The following EPS15 variants were observed in gnomAD, a reference collection of about 807,000 sequenced individuals.
EPS15 encodes epidermal growth factor receptor pathway substrate 15.
Under a neutral mutation model 113.8 loss-of-function variants are expected in EPS15, and 72 were observed. The observed-to-expected ratio is 0.63, with a 90% CI of 0.52 to 0.77. EPS15 has a LOEUF of 0.77. EPS15 is among the 30% of genes least tolerant of loss of function. The probability of loss-of-function intolerance (pLI) is 0.00; values close to 1 mark genes in which losing one functional copy is unlikely to be tolerated. For missense variants in EPS15, 1,048 were observed against 1,045.8 expected, an observed-to-expected ratio of 1.00 and a Z score of -0.03; for synonymous variants, 344 against 363.4, an observed-to-expected ratio of 0.95 and a Z score of 0.61.
intron 21 of EPS15, among the ~76,000 whole-genome samples, chr1:51,371,138 C>T (rs974271697): frequency 5.9e-5 from 9 of 152,066 alleles, no homozygotes; most frequent in South Asian, 2.1e-4. Context: ...AGGCTGGTCT[C>T]GAACTCCCAA....
chr1:51,401,018 A>T, intron 18 of EPS15, 65 bp from the exon 19 acceptor site: 2 of 1,042,254 alleles, frequency 1.9e-6, no homozygotes, highest in Non-Finnish European at 2.8e-6. Flanking sequence ...CCACTACTTA[A>T]AGAGTAACTT....
rs776113125 is a variant in EPS15, at chr1:51,363,869, G to C, written c.2356C>G (p.Pro786Ala). 3.1e-6 allele frequency: 5 copies of C among 1,610,424 alleles called. No individual in the cohort carries two copies. Among genetic ancestry groups the C allele is most frequent in the Non-Finnish European group, 4.2e-6 (5 of 1,178,336 alleles). The change falls in exon 23 of 25, where the codon CCT becomes GCT. Residue 786 changes from proline to alanine, a missense_variant. Transcript: ENST00000371733. ...AGAAAAGTACCAACTCTCATACCAGGTGGTAGAGGGCAGGGTCTTGTTGGA... is the reference window on the plus strand; with the variant it reads ...AGAAAAGTACCAACTCTCATACCAGCTGGTAGAGGGCAGGGTCTTGTTGGA... ...GTPTRPCPLP[P>A]GKRSINKLDS...
At chr1:51,393,829 C>T (rs879837934) in intron 21 of EPS15, among the ~76,000 whole-genome samples, 3 of 152,094 alleles carry the variant, frequency 2.0e-5, no homozygotes, top group Admixed American at 6.6e-5. Context: ...TTAAACTGTA[C>T]GATCTTGATG....
At chr1:51,412,173 C>A (rs1463573179) in intron 13 of EPS15, among the ~76,000 whole-genome samples, 1 of 152,072 alleles carries the variant, frequency 6.6e-6, no homozygotes, top group Non-Finnish European at 1.5e-5. Context: ...CGCATGGACA[C>A]AAGGGAGGGG....
At chr1:51,373,340 T>A (rs1466567414) in intron 21 of EPS15, 1 of 152,510 alleles carries the variant, frequency 6.6e-6, no homozygotes, top group East Asian at 1.9e-4. Flanking sequence ...CTCGGGTCAC[T>A]CTTGAATGGA....
At chr1:51,393,399 G>A (rs1183146059) in intron 21 of EPS15, among the ~76,000 whole-genome samples, 2 of 152,122 alleles carry the variant, frequency 1.3e-5, no homozygotes, top group Non-Finnish European at 2.9e-5. Flanking sequence ...TAGTGGAGAC[G>A]GGGTTTCACC....
chr1:51,383,652 T>C (rs1646991486), intron 21 of EPS15, among the ~76,000 whole-genome samples: 1 of 152,196 alleles, frequency 6.6e-6, no homozygotes, highest in African/African-American at 2.4e-5. Context: ...CCTCCTCCTG[T>C]GCAGCCTGGT....
chr1:51,514,550 G>C (rs1644680418), intron 1 of EPS15, among the ~76,000 whole-genome samples: 1 of 152,134 alleles, frequency 6.6e-6, no homozygotes, highest in Non-Finnish European at 1.5e-5. Context: ...TAAAGAACAA[G>C]TAAAATATCT....
At chr1:51,358,709 GTTT>G (rs71063028) in intron 24 of EPS15, among the ~76,000 whole-genome samples, 2 of 121,370 alleles carry the variant, frequency 1.6e-5, no homozygotes, top group African/African-American at 3.1e-5. Flanking sequence ...GTTTTTTTTT[GTTT>G]TTTTTTTTTT....
intron 1 of EPS15, among the ~76,000 whole-genome samples, chr1:51,518,737 G>C (rs1406917386): frequency 6.6e-6 from 1 of 152,058 alleles, no homozygotes; most frequent in Non-Finnish European, 1.5e-5. Flanking sequence ...ACTCCTACTG[G>C]GGGCGGCGCG....
chr1:51,448,220 A>G (rs568448008), intron 8 of EPS15, 85 bp from the exon 9 acceptor site: 2 of 737,604 alleles, frequency 2.7e-6, no homozygotes, highest in East Asian at 2.8e-5. Context: ...ATGATAAATC[A>G]TCGTCAGGCT....
At chr1:51,418,270 CAT>C (rs1412550493) in intron 13 of EPS15, among the ~76,000 whole-genome samples, 1 of 152,040 alleles carries the variant, frequency 6.6e-6, no homozygotes, top group African/African-American at 2.4e-5. Context: ...AAAGGACACA[CAT>C]AAACACACAC....
intron 12 of EPS15, 26 bp from the exon 13 acceptor site, chr1:51,421,884 A>G (rs761541934): frequency 1.2e-6 from 2 of 1,610,816 alleles, no homozygotes; most frequent in South Asian, 1.1e-5. Flanking sequence ...ACAATGCAAG[A>G]ATATTTTAGA....
At chr1:51,456,754 G>A (rs1350958813) in intron 8 of EPS15, among the ~76,000 whole-genome samples, 1 of 152,146 alleles carries the variant, frequency 6.6e-6, no homozygotes, top group African/African-American at 2.4e-5. Flanking sequence ...TGCAGCTGTA[G>A]TTACACAGGC....
intron 21 of EPS15, among the ~76,000 whole-genome samples, chr1:51,374,415 G>C (rs977474689): frequency 1.3e-5 from 2 of 152,062 alleles, no homozygotes; most frequent in Admixed American, 6.6e-5. Flanking sequence ...TCAGGGCTTC[G>C]AGACCAGCCT....
At chr1:51,440,563 TAAGA>T (rs1284450127) in intron 11 of EPS15, 131 bp from the exon 12 acceptor site, 1 of 378,876 alleles carries the variant, frequency 2.6e-6, no homozygotes, top group Non-Finnish European at 4.7e-6. Context: ...GATTTTTAAT[TAAGA>T]AAATCATATC....
chr1:51,494,789 A>G (rs1644297617), intron 1 of EPS15, among the ~76,000 whole-genome samples: 1 of 152,168 alleles, frequency 6.6e-6, no homozygotes, highest in Non-Finnish European at 1.5e-5. Flanking sequence ...TCTGCGTTCA[A>G]ATTTCCCTTT....
At chr1:51,365,508 G>C (rs755057387) in intron 22 of EPS15, among the ~76,000 whole-genome samples, 13 of 152,124 alleles carry the variant, frequency 8.5e-5, no homozygotes, top group Non-Finnish European at 5.9e-5. Flanking sequence ...AGTAAATAGT[G>C]GACATTTAGT....
chr1:51,377,578 T>C (rs1464475359), intron 21 of EPS15, among the ~76,000 whole-genome samples: 1 of 152,170 alleles, frequency 6.6e-6, no homozygotes, highest in East Asian at 1.9e-4. Flanking sequence ...ATTGTTAAAA[T>C]GAGAACAATG....
Sources: gnomAD v4.1 joint callset for allele counts (sites outside exome capture counted in the v4.1 genomes callset) on GRCh38, gnomAD v4.1.1 for gene constraint, MANE v1.5 for transcripts, NCBI Gene and HGNC (gene_info 2026-07-23, HGNC 2026-07-21) for gene names.